Variants in PRUNE1 observed in about 807,000 individuals in gnomAD.
The protein encoded by PRUNE1 is prune exopolyphosphatase 1.
A neutral mutation model predicts 42.5 loss-of-function variants in PRUNE1; 25 were observed. The ratio of observed to expected loss-of-function variants is 0.59; its 90% confidence interval spans 0.43 to 0.82. The LOEUF (loss-of-function observed/expected upper bound fraction) is 0.82. Among genes scored for constraint, PRUNE1 ranks in the 40% least tolerant of loss-of-function variants. The pLI, the probability that PRUNE1 is intolerant of heterozygous loss-of-function variation, is 0.00. For synonymous variants in PRUNE1, 203 were observed against 217.1 expected (o/e 0.93, Z 0.57); for missense variants, 443 against 539.3 (o/e 0.82, Z 1.77).
Position 151,034,168 on chromosome 1 carries a change from C to T in PRUNE1, c.1296C>T (p.Ala432=), listed in dbSNP as rs768669447. ...GGCTGCCTAAACTCTCTGCTGAGGC[C>T]GTCTTCGAGAAGTGCAGTCAGATCT... ...DQGLPKLSAE[A]VFEKCSQISL... is the part of the protein sequence containing the mutation. The change falls in exon 8 of 8, where the codon GCC becomes GCT. Residue 432 remains alanine, a synonymous_variant. Transcript: ENST00000271620. 46 of 1,613,994 alleles carry T rather than the reference C, an allele frequency of 2.9e-5. No individual in the cohort carries two copies. Among genetic ancestry groups the T allele is most frequent in the East Asian group, 1.1e-4 (5 of 44,884 alleles).
chr1:151,033,545 C>A, intron 7 of PRUNE1, among the ~76,000 whole-genome samples: 1 of 151,874 alleles, frequency 6.6e-6, no homozygotes, highest in African/African-American at 2.4e-5. Context: ...CACCCGCCAC[C>A]ATGCCCGGCT....
Position 151,034,175 on chromosome 1 carries a change from G to C in PRUNE1, c.1303G>C (p.Glu435Gln), listed in dbSNP as rs771792256. The C allele has an allele frequency of 1.2e-6, 2 of 1,614,090 alleles. No homozygotes were observed. The highest frequency in any genetic ancestry group is 2.2e-5 in the East Asian group (1 of 44,878). The change falls in exon 8 of 8, where the codon GAG (glutamate) becomes CAG (glutamine). Residue 435 changes from glutamate to glutamine, a missense_variant. Coordinates refer to ENST00000271620, the MANE Select transcript of PRUNE1 (RefSeq NM_021222.3). ...TAAACTCTCTGCTGAGGCCGTCTTC[G>C]AGAAGTGCAGTCAGATCTCACTGTC... is the stretch of plus-strand genomic sequence containing the variant. ...LPKLSAEAVF[E>Q]KCSQISLSQS... is the part of the protein sequence containing the mutation.
intron 1 of PRUNE1, among the ~76,000 whole-genome samples, chr1:151,010,723 T>C (rs942471816): frequency 3.4e-5 from 5 of 146,226 alleles, no homozygotes; most frequent in African/African-American, 1.3e-4. Context: ...CAGGCTGGAG[T>C]AGGCTCACTG....
In PRUNE1 at chr1:151,024,671, G is replaced by A. The variant is rs1407154546; in HGVS notation, c.396G>A (p.Pro132=). 28 of 1,613,982 alleles carry A rather than the reference G, an allele frequency of 1.7e-5. No homozygotes were observed. Among genetic ancestry groups the A allele is most frequent in the South Asian group, 9.9e-5 (9 of 91,088 alleles). The change falls in exon 4 of 8, where the codon CCG becomes CCA. Residue 132 remains proline, a synonymous_variant. Coordinates refer to ENST00000271620, the MANE Select transcript of PRUNE1 (RefSeq NM_021222.3). ...TGCTAGACCATCGACCCATCGAGCC[G>A]AAACACTGCCCTCCCTGCCATGTTT... The part of the protein sequence containing the change: ...AEVLDHRPIE[P]KHCPPCHVSV...
At position 151,033,990 on chromosome 1, in the gene PRUNE1, C is replaced by A; in HGVS notation, c.1118C>A (p.Pro373His). 1 of 1,614,150 alleles carries A rather than the reference C, an allele frequency of 6.2e-7. No individual in the cohort carries two copies. Among genetic ancestry groups the A allele is most frequent in the Non-Finnish European group, 8.5e-7 (1 of 1,179,988 alleles). ...FDSMKIPSGQPETADVSREQV... is the reference protein window; with the variant it reads ...FDSMKIPSGQHETADVSREQV... The stretch of plus-strand genomic sequence containing the variant: ...TCCATGAAGATCCCTTCAGGACAGC[C>A]TGAGACAGCAGATGTGTCCAGGGAG... The change falls in exon 8 of 8, where the codon CCT becomes CAT. Residue 373 changes from proline (P) to histidine (H), a missense_variant. Transcript: ENST00000271620.
intron 6 of PRUNE1, among the ~76,000 whole-genome samples, chr1:151,027,609 G>GTTTTTTT: frequency 7.3e-6 from 1 of 137,194 alleles, no homozygotes. Flanking sequence ...TTTTAAGGGA[G>GTTTTTTT]TCATGCTTTG....
chr1:151,016,761 C>G (rs1674129082), intron 1 of PRUNE1, among the ~76,000 whole-genome samples: 1 of 151,772 alleles, frequency 6.6e-6, no homozygotes, highest in Admixed American at 6.6e-5. Context: ...CTCAGCCTCT[C>G]AAAGTGTTGG....
At chr1:151,018,968 G>A (rs1674264431) in intron 3 of PRUNE1, among the ~76,000 whole-genome samples, 1 of 152,184 alleles carries the variant, frequency 6.6e-6, no homozygotes, top group African/African-American at 2.4e-5. Flanking sequence ...ACTTGAACCT[G>A]GAAGGTGGTG....
chr1:151,035,132 G>C lies in PRUNE1; in HGVS notation c.*898G>C, dbSNP rs1012047021. 4 of 152,146 alleles carry C rather than the reference G, an allele frequency of 2.6e-5. No homozygotes were observed. The highest frequency in any genetic ancestry group is 9.7e-5 in the African/African-American group (4 of 41,434). The allele number at this position is 152,146 out of a possible 1,614,324, so 9.4% of individuals were successfully genotyped here. A position where few individuals can be genotyped will look rare whatever the true frequency, so the allele number is the denominator to read the frequency against. ...GAGTTCTAATGCTCCCATAAACTAT[G>C]TATTTTGGCAAGACACTTCACTACT... is the stretch of plus-strand genomic sequence containing the variant. On this transcript the variant is annotated 3_prime_UTR_variant, in exon 8 of 8. Transcript: ENST00000271620.
chr1:151,030,073 C>G (rs587627655), intron 7 of PRUNE1, among the ~76,000 whole-genome samples: 6 of 152,008 alleles, frequency 3.9e-5, no homozygotes, highest in African/African-American at 1.4e-4. Flanking sequence ...ACCATCCTGG[C>G]CAACATGGTG....
intron 5 of PRUNE1, 58 bp from the exon 6 acceptor site, chr1:151,027,175 T>C: frequency 7.7e-7 from 1 of 1,299,646 alleles, no homozygotes; most frequent in South Asian, 1.2e-5. Context: ...CCTTGCCTTC[T>C]TGGTCTTGGG....
At chr1:151,023,732 A>C (rs1302664648) in intron 3 of PRUNE1, among the ~76,000 whole-genome samples, 1 of 151,908 alleles carries the variant, frequency 6.6e-6, no homozygotes, top group African/African-American at 2.4e-5. Context: ...AAAAAAAAAA[A>C]AAGGAGAAAT....
At chr1:151,020,858 G>A (rs1296363193) in intron 3 of PRUNE1, among the ~76,000 whole-genome samples, 6 of 151,604 alleles carry the variant, frequency 4.0e-5, no homozygotes, top group Admixed American at 1.3e-4. Context: ...GGCGGACGCC[G>A]ATAGTCCCAG....
In PRUNE1 at chr1:151,028,598, A is replaced by G. The variant is rs587599101; in HGVS notation, c.775-188A>G. Among the ~76,000 whole-genome samples the G allele has an allele frequency of 2.6e-5, 4 of 151,910 alleles. No individual in the cohort carries two copies. The South Asian group carries it at 8.3e-4, about 32-fold the overall frequency. On this transcript the variant is annotated intron_variant, in intron 6 of 7. Coordinates refer to ENST00000271620, the MANE Select transcript of PRUNE1 (RefSeq NM_021222.3). Reference sequence around the variant, plus strand: ...GCCCCCATGCCCGGCTAATTTTTGTATTTTTACCAGAGACAGGGTTTCACC... The same window carrying G: ...GCCCCCATGCCCGGCTAATTTTTGTGTTTTTACCAGAGACAGGGTTTCACC...
At chr1:151,010,024 T>G (rs1022213180) in intron 1 of PRUNE1, among the ~76,000 whole-genome samples, 10 of 152,332 alleles carry the variant, frequency 6.6e-5, no homozygotes, top group African/African-American at 2.4e-4. Flanking sequence ...TTTCTTTGCA[T>G]GCATCTACTC....
chr1:151,029,049 T>G (rs1675063581), intron 7 of PRUNE1, 105 bp downstream of exon 7: 1 of 1,197,394 alleles, frequency 8.4e-7, no homozygotes, highest in Non-Finnish European at 1.2e-6. Flanking sequence ...GGTTCTTATA[T>G]TAATGTACTT....
Position 151,027,343 on chromosome 1 carries a change from G to A in PRUNE1, c.774+16G>A, listed in dbSNP as rs967461024. 6.4e-7 allele frequency: 1 copy of A among 1,564,330 alleles called. No individual in the cohort carries two copies. The highest frequency in any genetic ancestry group is 8.8e-7 in the Non-Finnish European group (1 of 1,135,878). ...GGATTTGGAGGTAAGAGCAAGTTGT[G>A]GCTGTGGGTGGGGAGAGAAAGCCTT... On this transcript the variant is annotated intron_variant, in intron 6 of 7. Transcript: ENST00000271620.
chr1:151,024,943 A>G (rs1333722683), intron 4 of PRUNE1, 148 bp downstream of exon 4: 9 of 873,512 alleles, frequency 1.0e-5, no homozygotes, highest in African/African-American at 3.4e-5. Flanking sequence ...TCAGGGGACA[A>G]TTGAGCATGT....
intron 1 of PRUNE1, among the ~76,000 whole-genome samples, chr1:151,013,651 T>G (rs1673917049): frequency 6.6e-6 from 1 of 152,192 alleles, no homozygotes; most frequent in African/African-American, 2.4e-5. Context: ...TTTTCTCCAC[T>G]GCTCTTATGT....
Sources: gnomAD v4.1 joint callset for allele counts (sites outside exome capture counted in the v4.1 genomes callset) on GRCh38, gnomAD v4.1.1 for gene constraint, MANE v1.5 for transcripts, NCBI Gene and HGNC (gene_info 2026-07-23, HGNC 2026-07-21) for gene names.